Variants in NAV1 observed in about 807,000 individuals in gnomAD.
The protein encoded by NAV1 is neuron navigator 1, also known as pore membrane and/or filament interacting like protein 3.
In NAV1, 18 loss-of-function variants were observed where a neutral mutation model predicts 175.2. The ratio of observed to expected loss-of-function variants is 0.10; its 90% CI spans 0.07 to 0.15. The LOEUF is 0.15. Among genes scored for constraint, NAV1 ranks in the 10% least tolerant of loss-of-function variants. The pLI, the probability that NAV1 is intolerant of heterozygous loss-of-function variation, is 1.00. For synonymous variants in NAV1, 897 were observed against 978.7 expected, an observed-to-expected ratio of 0.92 and a Z score of 1.56; for missense variants, 1,731 against 2,436.6, an observed-to-expected ratio of 0.71 and a Z score of 6.10.
At position 201,813,084 on chromosome 1, in the gene NAV1, A is replaced by G. The variant is rs1282047077; in HGVS notation, c.5222-56A>G. On this transcript the variant is annotated intron_variant, in intron 27 of 29. Coordinates refer to ENST00000367296, the Ensembl canonical transcript of NAV1. This position sits in a 1 kb window ranked among gnomAD's most constrained non-coding sequence, Gnocchi z 4.2. ...TGGTACTAAGGAGTAAAAGAGGCAC[A>G]CAACCGGGAAGATCTAGGTTCCCAG... The G allele has an allele frequency of 7.7e-7, 1 of 1,295,792 alleles. No homozygotes were observed. Among genetic ancestry groups the G allele is most frequent in the Non-Finnish European group, 1.1e-6 (1 of 898,734 alleles). 80.3% of individuals were successfully genotyped at this position (1,295,792 alleles called of 1,614,324 possible).
At chr1:201,667,915 C>G (rs947029089) in intron 1 of NAV1, among the ~76,000 whole-genome samples, 2 of 151,992 alleles carry the variant, frequency 1.3e-5, no homozygotes, top group Non-Finnish European at 2.9e-5. Flanking sequence ...CCTTGATGTT[C>G]CAGGGTGGAG....
At chr1:201,661,622 G>C (rs1301547961) in intron 1 of NAV1, among the ~76,000 whole-genome samples, 1 of 152,126 alleles carries the variant, frequency 6.6e-6, no homozygotes, top group African/African-American at 2.4e-5. Flanking sequence ...ATAGGGATTA[G>C]ACTCCCCAGC....
chr1:201,588,232 A>G (rs2102207530), intron 1 of NAV1, among the ~76,000 whole-genome samples: 2 of 152,374 alleles, frequency 1.3e-5, no homozygotes, highest in Middle Eastern at 6.8e-3. Context: ...CGGCTGTAAA[A>G]AGGAATGAGG....
intron 3 of NAV1, among the ~76,000 whole-genome samples, chr1:201,753,294 T>A (rs1187166170): frequency 1.3e-5 from 2 of 152,200 alleles, no homozygotes; most frequent in Non-Finnish European, 2.9e-5. Context: ...AAGAACTGCA[T>A]TGCATATTTC....
At chr1:201,556,129 A>G (rs1322624025) in intron 1 of NAV1, among the ~76,000 whole-genome samples, 1 of 152,202 alleles carries the variant, frequency 6.6e-6, no homozygotes, top group Non-Finnish European at 1.5e-5. Context: ...TTTATAAAAA[A>G]TAGTCTGAGA....
intron 1 of NAV1, among the ~76,000 whole-genome samples, chr1:201,546,371 G>T (rs1012939092): frequency 1.5e-4 from 23 of 152,222 alleles, no homozygotes; most frequent in Non-Finnish European, 2.5e-4. Flanking sequence ...TGTGGAAGCT[G>T]CACCCTCAGG....
intron 1 of NAV1, among the ~76,000 whole-genome samples, chr1:201,712,473 G>A (rs1332933998): frequency 2.0e-5 from 3 of 152,176 alleles, no homozygotes; most frequent in Non-Finnish European, 4.4e-5. Context: ...TCTCAACCAC[G>A]AGAAATCTTG....
chr1:201,753,193 C>A (rs1169893794), intron 3 of NAV1, among the ~76,000 whole-genome samples: 1 of 152,142 alleles, frequency 6.6e-6, no homozygotes, highest in African/African-American at 2.4e-5. Flanking sequence ...AAAAAACTAT[C>A]ACGTAAATGC....
intron 2 of NAV1, among the ~76,000 whole-genome samples, chr1:201,640,817 A>G (rs1297259771): frequency 6.6e-6 from 1 of 152,194 alleles, no homozygotes; most frequent in Non-Finnish European, 1.5e-5. Context: ...GTTCCGAGTC[A>G]CGCATTCATT....
rs10920234 is a variant in NAV1, at chr1:201,698,328, C to G, written c.758-14489C>G. ...CCCATGCACGGATGATGCCTGACCA[C>G]AGCTGCACATGCCAACCTCTTGGCT... On this transcript the variant is annotated intron_variant, in intron 1 of 29. Coordinates refer to ENST00000367296, the Ensembl canonical transcript of NAV1. Among the ~76,000 whole-genome samples, 434 of 152,376 alleles carry G rather than the reference C, an allele frequency of 2.8e-3. 5 individuals carry two copies. Among genetic ancestry groups the G allele is most frequent in the African/African-American group, 8.5e-3 (353 of 41,592 alleles).
intron 2 of NAV1, among the ~76,000 whole-genome samples, chr1:201,613,094 T>C (rs1667903453): frequency 6.6e-6 from 1 of 152,166 alleles, no homozygotes; most frequent in Admixed American, 6.5e-5. Flanking sequence ...CCGTGGCCTC[T>C]GGACTCATGC....
rs1054200577 is a variant in NAV1, at chr1:201,750,108, C to G, written c.1227-30313C>G. 2.0e-5 allele frequency among the ~76,000 whole-genome samples: 3 copies of G among 152,106 alleles called. No individual in the cohort carries two copies. Among genetic ancestry groups the G allele is most frequent in the Non-Finnish European group, 2.9e-5 (2 of 68,024 alleles). On this transcript the variant is annotated intron_variant, in intron 3 of 29. Transcript: ENST00000367296. The surrounding 1 kb of genome is among the most constrained non-coding windows in gnomAD (Gnocchi z 4.1). ...GGTGTGAAGACTCAAGTTGGAAAAG[C>G]AGAAGTGTATCAGGAAAAATTCTAT... is the stretch of plus-strand genomic sequence containing the variant.
At chr1:201,824,155 G>T (rs113754013) in exon 30 of NAV1, 1 of 152,170 alleles carries the variant, frequency 6.6e-6, no homozygotes, top group African/African-American at 2.4e-5. Context: ...ACCAAGCGCA[G>T]TTCCTCATCA....
At chr1:201,733,057 C>T (rs767475310) in intron 3 of NAV1, among the ~76,000 whole-genome samples, 1 of 151,216 alleles carries the variant, frequency 6.6e-6, no homozygotes, top group Non-Finnish European at 1.5e-5. Context: ...GGCAACAGAG[C>T]GAGACTCTGT....
intron 13 of NAV1, chr1:201,791,013 T>G: frequency 2.1e-6 from 1 of 477,592 alleles, no homozygotes; most frequent in Non-Finnish European, 3.8e-6. Flanking sequence ...TCATGTCTGA[T>G]GGGCTGAGCT....
intron 2 of NAV1, among the ~76,000 whole-genome samples, chr1:201,589,520 C>G (rs1022977413): frequency 6.6e-6 from 1 of 152,112 alleles, no homozygotes; most frequent in African/African-American, 2.4e-5. Flanking sequence ...GAGAAGAGGC[C>G]TTACTCAGTC....
chr1:201,802,136 CA>C (rs771631007), intron 15 of NAV1, among the ~76,000 whole-genome samples: 514 of 20,316 alleles, frequency 0.025, 27 homozygotes, highest in African/African-American at 0.05. Context: ...GACTCCGTCT[CA>C]AAAAAAAAAA....
rs138361484 is a variant in NAV1 at position 201,690,647 on chromosome 1, T to C, written c.758-22170T>C. Among the ~76,000 whole-genome samples, 691 of 150,400 alleles carry C rather than the reference T, an allele frequency of 4.6e-3. 7 individuals are homozygous for C. The highest frequency in any genetic ancestry group is 0.015 in the African/African-American group (631 of 40,792). ...GTGTCTATTTCCTCTGTGGCCTGTC[T>C]GTGGCAGAGCGCTGGCTATTTCCTC... On this transcript the variant is annotated intron_variant, in intron 1 of 29. Coordinates refer to ENST00000367296, the Ensembl canonical transcript of NAV1.
intron 1 of NAV1, among the ~76,000 whole-genome samples, chr1:201,701,666 T>C (rs931034028): frequency 1.3e-5 from 2 of 152,240 alleles, no homozygotes; most frequent in Non-Finnish European, 2.9e-5. Context: ...TAGGGAAATG[T>C]AGATGACACC....
Sources: gnomAD v4.1 joint callset for allele counts (sites outside exome capture counted in the v4.1 genomes callset) on GRCh38, gnomAD v4.1.1 for gene constraint, Gnocchi (gnomAD v3.1) non-coding constraint, MANE v1.5 for transcripts, NCBI Gene and HGNC (gene_info 2026-07-23, HGNC 2026-07-21) for gene names.